PDS5B: variants seen among roughly 807,000 people sequenced by gnomAD.
PDS5B encodes the protein PDS5 cohesin associated factor B, also known as sister chromatid cohesion protein PDS5 homolog B.
Under a neutral mutation model 184.1 loss-of-function variants are expected in PDS5B, and 51 were observed. The observed-to-expected ratio is 0.28, with a 90% confidence interval of 0.22 to 0.35. The LOEUF (loss-of-function observed/expected upper bound fraction) is 0.35, where lower values mean the gene tolerates loss of function less well. Ranked by LOEUF, PDS5B falls within the 10% of genes least tolerant of loss-of-function variation. PDS5B has a pLI of 1.00. For missense variants in PDS5B, 1,180 were observed against 1,723.3 expected, an observed-to-expected ratio of 0.68 and a Z score of 5.58; for synonymous variants, 566 against 569.2, an observed-to-expected ratio of 0.99 and a Z score of 0.08.
At chr13:32,640,188 TTTAA>T (rs1461933030) in intron 1 of PDS5B, among the ~76,000 whole-genome samples, 30 of 152,342 alleles carry the variant, frequency 2.0e-4, no homozygotes, top group African/African-American at 6.5e-4. Context: ...TTCTCATATA[TTTAA>T]TTAATGATCA....
chr13:32,603,312 T>C (rs1001910505), intron 1 of PDS5B, among the ~76,000 whole-genome samples: 3 of 152,212 alleles, frequency 2.0e-5, no homozygotes, highest in Non-Finnish European at 2.9e-5. Flanking sequence ...TTTCTACATA[T>C]GGGCTAGTCA....
intron 25 of PDS5B, 55 bp from the exon 26 acceptor site, chr13:32,755,787 G>GT (rs1055695832): frequency 1.0e-5 from 9 of 858,640 alleles, no homozygotes; most frequent in Non-Finnish European, 1.6e-5. Context: ...GTTTTGTTTT[G>GT]TTTTTTGCTT....
chr13:32,627,478 T>A (rs1248431187), intron 1 of PDS5B, among the ~76,000 whole-genome samples: 5 of 152,370 alleles, frequency 3.3e-5, no homozygotes, highest in East Asian at 1.9e-4. Context: ...GGGTTTTTTT[T>A]ACTCTTTTTT....
At chr13:32,768,675 C>T (rs1206478587) in intron 31 of PDS5B, among the ~76,000 whole-genome samples, 2 of 151,658 alleles carry the variant, frequency 1.3e-5, no homozygotes, top group Non-Finnish European at 2.9e-5. Flanking sequence ...TGCCTCTAGT[C>T]CCAGCTACTC....
At chr13:32,652,800 A>C (rs1288920628) in intron 3 of PDS5B, among the ~76,000 whole-genome samples, 1 of 151,924 alleles carries the variant, frequency 6.6e-6, no homozygotes, top group Non-Finnish European at 1.5e-5. Flanking sequence ...TTTAATGGAA[A>C]GGTACAAAAG....
At chr13:32,683,833 T>C (rs563682254) in intron 10 of PDS5B, 45 bp from the exon 11 acceptor site, 2 of 1,312,644 alleles carry the variant, frequency 1.5e-6, no homozygotes, top group East Asian at 4.8e-5. Flanking sequence ...TTTAAAAATA[T>C]TTTAGTTATT....
At chr13:32,683,784 G>C (rs1294215831) in intron 10 of PDS5B, 94 bp from the exon 11 acceptor site, 1 of 767,668 alleles carries the variant, frequency 1.3e-6, no homozygotes, top group Non-Finnish European at 2.1e-6. Flanking sequence ...TGTAGGTATT[G>C]TTTTGCTAGG....
intron 3 of PDS5B, among the ~76,000 whole-genome samples, chr13:32,653,684 A>C (rs73448643): frequency 6.6e-6 from 1 of 152,210 alleles, no homozygotes; most frequent in Admixed American, 6.5e-5. Context: ...TCGGAGACTT[A>C]AAGTAGATAA....
intron 19 of PDS5B, among the ~76,000 whole-genome samples, chr13:32,725,430 G>A (rs748630247): frequency 6.6e-6 from 1 of 151,888 alleles, no homozygotes; most frequent in African/African-American, 2.4e-5. Flanking sequence ...TTGCTATCTT[G>A]TATGACAGGA....
chr13:32,753,033 A>C (rs1593606657), intron 24 of PDS5B, among the ~76,000 whole-genome samples: 1 of 152,158 alleles, frequency 6.6e-6, no homozygotes, highest in East Asian at 1.9e-4. Flanking sequence ...GATGGTGTTT[A>C]AGCCTTAATT....
chr13:32,631,880 C>T (rs772348237), intron 1 of PDS5B, among the ~76,000 whole-genome samples: 97 of 152,296 alleles, frequency 6.4e-4, no homozygotes, highest in African/African-American at 2.0e-3. Flanking sequence ...TCCTTAAAAA[C>T]GGCAGAATCT....
At chr13:32,763,654 T>TA (rs1293367433) in intron 30 of PDS5B, 1 of 152,148 alleles carries the variant, frequency 6.6e-6, no homozygotes, top group Non-Finnish European at 1.5e-5. Flanking sequence ...CTGGGCTTTT[T>TA]ACCTGAATAA....
chr13:32,593,443 C>T (rs931817251), intron 1 of PDS5B, among the ~76,000 whole-genome samples: 2 of 152,152 alleles, frequency 1.3e-5, no homozygotes, highest in Admixed American at 6.5e-5. Flanking sequence ...TGGGTTCAAG[C>T]GACTCTCATG....
intron 1 of PDS5B, among the ~76,000 whole-genome samples, chr13:32,613,553 A>G (rs1006885248): frequency 3.9e-5 from 6 of 152,198 alleles, no homozygotes; most frequent in African/African-American, 1.2e-4. Flanking sequence ...AAAACTGTCT[A>G]TTCATATCCT....
At chr13:32,723,393 A>G (rs1043078535) in intron 19 of PDS5B, among the ~76,000 whole-genome samples, 8 of 149,484 alleles carry the variant, frequency 5.4e-5, no homozygotes, top group African/African-American at 2.0e-4. Context: ...TTCATTTTCT[A>G]TATTGGTATG....
intron 1 of PDS5B, among the ~76,000 whole-genome samples, chr13:32,597,240 G>A (rs1232718932): frequency 2.0e-5 from 3 of 149,870 alleles, no homozygotes; most frequent in Non-Finnish European, 3.0e-5. Flanking sequence ...GATGGGGTTC[G>A]CCATGTTGCC....
At chr13:32,752,597 A>C (rs1954025908) in intron 24 of PDS5B, among the ~76,000 whole-genome samples, 1 of 152,204 alleles carries the variant, frequency 6.6e-6, no homozygotes, top group East Asian at 1.9e-4. Flanking sequence ...TGCTAAGAGC[A>C]CAGAGGTGGG....
intron 19 of PDS5B, among the ~76,000 whole-genome samples, chr13:32,721,950 G>C (rs1239397768): frequency 1.3e-5 from 2 of 152,112 alleles, no homozygotes; most frequent in Non-Finnish European, 2.9e-5. Flanking sequence ...CCTCCCAGAC[G>C]GGGTGGCGGC....
intron 1 of PDS5B, among the ~76,000 whole-genome samples, chr13:32,601,765 A>G (rs1052799334): frequency 2.2e-4 from 33 of 152,354 alleles, no homozygotes; most frequent in Non-Finnish European, 4.9e-4. Context: ...CATTTTACAA[A>G]TATTTGTTTG....
Sources: gnomAD v4.1 joint callset for allele counts (sites outside exome capture counted in the v4.1 genomes callset) on GRCh38, gnomAD v4.1.1 for gene constraint, MANE v1.5 for transcripts, NCBI Gene and HGNC (gene_info 2026-07-23, HGNC 2026-07-21) for gene names.